Variants in MAGI2 observed in about 807,000 individuals in gnomAD.
The protein encoded by MAGI2 is membrane associated guanylate kinase, WW and PDZ domain containing 2, also known as membrane-associated guanylate kinase, WW and PDZ domain-containing protein 2.
MAGI2 carries 35 observed loss-of-function variants against 133.3 expected under a neutral mutation model. The observed-to-expected ratio is 0.26, with a 90% CI of 0.20 to 0.35. The LOEUF is 0.35. Ranked by LOEUF, MAGI2 falls within the 10% of genes least tolerant of loss-of-function variation. The pLI, the probability that MAGI2 is intolerant of heterozygous loss-of-function variation, is 1.00. For synonymous variants in MAGI2, 729 were observed against 710.6 expected, an observed-to-expected ratio of 1.03 and a Z score of -0.41; for missense variants, 1,636 against 1,863.4, an observed-to-expected ratio of 0.88 and a Z score of 2.25.
At chr7:78,599,514 T>C (rs1408614659) in intron 3 of MAGI2, among the ~76,000 whole-genome samples, 1 of 152,126 alleles carries the variant, frequency 6.6e-6, no homozygotes, top group Admixed American at 6.6e-5. Flanking sequence ...ATGAATAAAA[T>C]AGGCAAGTTC....
chr7:78,968,786 G>C (rs955392374), intron 2 of MAGI2, among the ~76,000 whole-genome samples: 7 of 152,004 alleles, frequency 4.6e-5, no homozygotes, highest in Admixed American at 1.3e-4. Context: ...GTAGTTTATT[G>C]AGACAGGTGG....
intron 6 of MAGI2, among the ~76,000 whole-genome samples, chr7:78,446,816 C>T (rs1328843866): frequency 1.3e-5 from 2 of 151,996 alleles, no homozygotes; most frequent in Non-Finnish European, 2.9e-5. Context: ...TTAGGCATTG[C>T]AATTATGCTT....
chr7:78,250,553 G>A (rs1007992179), intron 10 of MAGI2, among the ~76,000 whole-genome samples: 2 of 152,118 alleles, frequency 1.3e-5, no homozygotes, highest in African/African-American at 2.4e-5. Flanking sequence ...TGTGTAAAAT[G>A]TTGAAACGGA....
At chr7:78,589,777 T>G (rs1803803396) in intron 3 of MAGI2, among the ~76,000 whole-genome samples, 1 of 152,232 alleles carries the variant, frequency 6.6e-6, no homozygotes, top group Non-Finnish European at 1.5e-5. Context: ...AAATATAGCA[T>G]TCTTTGATTA....
intron 2 of MAGI2, among the ~76,000 whole-genome samples, chr7:78,804,906 A>G (rs1055697872): frequency 6.6e-5 from 10 of 151,740 alleles, no homozygotes; most frequent in African/African-American, 2.2e-4. Context: ...CGTCTCTACT[A>G]AAAATACAAA....
At chr7:78,365,850 T>G (rs1793321280) in intron 7 of MAGI2, among the ~76,000 whole-genome samples, 1 of 152,234 alleles carries the variant, frequency 6.6e-6, no homozygotes, top group Admixed American at 6.5e-5. Flanking sequence ...TGCTATTTGC[T>G]TGTCTGTGGC....
At chr7:78,620,293 G>T (rs1383667899) in intron 3 of MAGI2, among the ~76,000 whole-genome samples, 3 of 151,866 alleles carry the variant, frequency 2.0e-5, no homozygotes, top group African/African-American at 7.2e-5. Context: ...ATGCTATCTT[G>T]ATTGCAGATT....
chr7:79,340,907 G>C (rs1369004554), intron 1 of MAGI2, among the ~76,000 whole-genome samples: 1 of 152,122 alleles, frequency 6.6e-6, no homozygotes, highest in Non-Finnish European at 1.5e-5. Context: ...CTGGATCCTG[G>C]AGAAGCTCTT....
chr7:79,298,482 T>C (rs1837123896), intron 1 of MAGI2, among the ~76,000 whole-genome samples: 2 of 152,182 alleles, frequency 1.3e-5, no homozygotes, highest in Non-Finnish European at 2.9e-5. Context: ...AACCTGCCAG[T>C]GTTCTTATAA....
chr7:79,418,528 C>A (rs532647722), intron 1 of MAGI2, among the ~76,000 whole-genome samples: 1 of 151,970 alleles, frequency 6.6e-6, no homozygotes, highest in South Asian at 2.1e-4. Context: ...CAGATCATTA[C>A]GATGAAAGAC....
At chr7:79,186,133 A>G (rs1827066602) in intron 1 of MAGI2, among the ~76,000 whole-genome samples, 2 of 148,984 alleles carry the variant, frequency 1.3e-5, no homozygotes, top group South Asian at 4.3e-4. Context: ...ATAGGATTAC[A>G]CCATTTTTAC....
intron 3 of MAGI2, among the ~76,000 whole-genome samples, chr7:78,527,419 T>G (rs1797072347): frequency 6.6e-6 from 1 of 152,228 alleles, no homozygotes; most frequent in Admixed American, 6.5e-5. Flanking sequence ...TTTCTTCTGA[T>G]TCCTCTCAGA....
chr7:78,431,799 GT>G (rs1223443308), intron 6 of MAGI2, among the ~76,000 whole-genome samples: 1 of 151,570 alleles, frequency 6.6e-6, no homozygotes, highest in African/African-American at 2.4e-5. Context: ...GACTAGCAGT[GT>G]TTTTTTTCAA....
At chr7:79,083,303 ATT>A (rs35248312) in intron 1 of MAGI2, among the ~76,000 whole-genome samples, 103,414 of 142,246 alleles carry the variant, frequency 0.73, 39,259 homozygotes, top group Non-Finnish European at 0.85. Context: ...GTATGATGTT[ATT>A]TTTTTTTTTT....
At chr7:78,299,119 T>C (rs1797602806) in intron 9 of MAGI2, among the ~76,000 whole-genome samples, 1 of 152,124 alleles carries the variant, frequency 6.6e-6, no homozygotes, top group African/African-American at 2.4e-5. Context: ...TGCCTGGCTA[T>C]AACGGTTTTA....
chr7:79,069,479 G>A (rs1430454265), intron 1 of MAGI2, among the ~76,000 whole-genome samples: 6 of 151,910 alleles, frequency 3.9e-5, no homozygotes, highest in African/African-American at 1.5e-4. Context: ...TTTATTTTGA[G>A]CTTATTTGTG....
At chr7:79,076,492 T>C (rs1445658175) in intron 1 of MAGI2, among the ~76,000 whole-genome samples, 1 of 152,244 alleles carries the variant, frequency 6.6e-6, no homozygotes, top group Non-Finnish European at 1.5e-5. Context: ...AGGGTTCTTT[T>C]GAGATGTCAT....
chr7:78,693,779 T>C (rs1219295235), intron 2 of MAGI2, among the ~76,000 whole-genome samples: 1 of 152,168 alleles, frequency 6.6e-6, no homozygotes, highest in Non-Finnish European at 1.5e-5. Context: ...ATGTTAGTAG[T>C]TCAAATGGTT....
chr7:78,931,966 C>T (rs62467730), intron 2 of MAGI2, among the ~76,000 whole-genome samples: 2,824 of 148,616 alleles, frequency 0.019, 36 homozygotes, highest in Non-Finnish European at 0.031. Flanking sequence ...CCACACCTGA[C>T]GTCCTGTGAT....
Sources: gnomAD v4.1 joint callset for allele counts (sites outside exome capture counted in the v4.1 genomes callset) on GRCh38, gnomAD v4.1.1 for gene constraint, MANE v1.5 for transcripts, NCBI Gene and HGNC (gene_info 2026-07-23, HGNC 2026-07-21) for gene names.